Variants in PLXDC2 observed in about 807,000 individuals in gnomAD.
PLXDC2 encodes the protein plexin domain-containing protein 2.
PLXDC2 carries 40 observed loss-of-function variants against 68.9 expected under a neutral mutation model. The ratio of observed to expected loss-of-function variants is 0.58; its 90% CI spans 0.45 to 0.76. The LOEUF is 0.76. Ranked by LOEUF, PLXDC2 falls within the 30% of genes least tolerant of loss-of-function variation. The pLI is 0.00. For synonymous variants in PLXDC2, 243 were observed against 234.2 expected, an observed-to-expected ratio of 1.04 and a Z score of -0.34; for missense variants, 644 against 661.9, an observed-to-expected ratio of 0.97 and a Z score of 0.30.
At chr10:20,110,526 T>C (rs1335067584) in intron 4 of PLXDC2, among the ~76,000 whole-genome samples, 1 of 152,178 alleles carries the variant, frequency 6.6e-6, no homozygotes, top group Non-Finnish European at 1.5e-5. Flanking sequence ...TTCATTGATT[T>C]CTGTAATGCC....
intron 4 of PLXDC2, among the ~76,000 whole-genome samples, chr10:20,136,315 T>C (rs1028682580): frequency 1.5e-4 from 23 of 152,344 alleles, no homozygotes; most frequent in African/African-American, 5.5e-4. Flanking sequence ...TTTCAGATTA[T>C]CAATTGCTGC....
At chr10:19,893,900 G>A (rs1262227144) in intron 1 of PLXDC2, among the ~76,000 whole-genome samples, 1 of 152,200 alleles carries the variant, frequency 6.6e-6, no homozygotes, top group African/African-American at 2.4e-5. Flanking sequence ...ATATTCATGA[G>A]TAGAGTTTAG....
At chr10:20,181,749 G>C (rs1834607489) in intron 9 of PLXDC2, among the ~76,000 whole-genome samples, 1 of 151,996 alleles carries the variant, frequency 6.6e-6, no homozygotes, top group Admixed American at 6.6e-5. Flanking sequence ...CCAAGTGCTG[G>C]GACACAGATG....
At chr10:20,238,680 T>TATATATATATATATATATAC (rs1384911096) in intron 12 of PLXDC2, among the ~76,000 whole-genome samples, 4 of 137,252 alleles carry the variant, frequency 2.9e-5, no homozygotes, top group African/African-American at 1.1e-4. Context: ...TATATATGTA[T>TATATATATATATATATATAC]ATATATATAT....
At chr10:20,133,594 G>A (rs1385713593) in intron 4 of PLXDC2, among the ~76,000 whole-genome samples, 1 of 152,118 alleles carries the variant, frequency 6.6e-6, no homozygotes, top group African/African-American at 2.4e-5. Context: ...TCCCTTTCAT[G>A]TCATGAGTAG....
intron 1 of PLXDC2, among the ~76,000 whole-genome samples, chr10:19,911,994 G>A (rs947242088): frequency 6.6e-6 from 1 of 151,978 alleles, no homozygotes; most frequent in East Asian, 1.9e-4. Flanking sequence ...CTCTATATAG[G>A]CTCCACTCTA....
chr10:20,235,924 T>C (rs1835426443), intron 12 of PLXDC2, among the ~76,000 whole-genome samples: 1 of 152,184 alleles, frequency 6.6e-6, no homozygotes, highest in African/African-American at 2.4e-5. Context: ...TGATATTCCA[T>C]AGTCACTATG....
rs911596966 is a variant in PLXDC2 at position 20,083,302 on chromosome 10, C to T, written c.541+15063C>T. ...CATCCTGGCTAACATGGTGAAACCCCGTCTCTACTAAAAAAATACAAAAAA... is the reference window on the plus strand; with the variant it reads ...CATCCTGGCTAACATGGTGAAACCCTGTCTCTACTAAAAAAATACAAAAAA... On this transcript the variant is annotated intron_variant, in intron 4 of 13. Transcript: ENST00000377252. Among the ~76,000 whole-genome samples the T allele has an allele frequency of 4.8e-4, 73 of 151,936 alleles. 1 individual carries two copies. The highest frequency in any genetic ancestry group is 2.0e-3 in the Admixed American group (31 of 15,256).
chr10:20,183,078 A>G (rs1834629518), intron 9 of PLXDC2, among the ~76,000 whole-genome samples: 1 of 151,980 alleles, frequency 6.6e-6, no homozygotes, highest in African/African-American at 2.4e-5. Flanking sequence ...TGAGATGGGT[A>G]AGACAGCACA....
intron 2 of PLXDC2, among the ~76,000 whole-genome samples, chr10:20,041,060 T>A (rs112242451): frequency 0.018 from 2,694 of 152,294 alleles, 76 homozygotes; most frequent in African/African-American, 0.061. Context: ...CATAATTTTC[T>A]TGGAGACAGT....
At chr10:20,064,609 G>A (rs1369033941) in intron 3 of PLXDC2, among the ~76,000 whole-genome samples, 1 of 152,114 alleles carries the variant, frequency 6.6e-6, no homozygotes, top group African/African-American at 2.4e-5. Flanking sequence ...AATAAAGGAT[G>A]CATAACTAAT....
chr10:20,205,334 G>C (rs1834976819), intron 9 of PLXDC2, among the ~76,000 whole-genome samples: 2 of 152,076 alleles, frequency 1.3e-5, no homozygotes, highest in Non-Finnish European at 2.9e-5. Context: ...ATTAGATAAT[G>C]GTGAGAAGAG....
At chr10:20,153,866 A>G (rs1379321579) in intron 6 of PLXDC2, among the ~76,000 whole-genome samples, 1 of 152,202 alleles carries the variant, frequency 6.6e-6, no homozygotes, top group Non-Finnish European at 1.5e-5. Flanking sequence ...TCAATAAGTG[A>G]CTGAATCAAT....
intron 4 of PLXDC2, among the ~76,000 whole-genome samples, chr10:20,118,105 TAC>T (rs60160833): frequency 0.03 from 4,436 of 146,704 alleles, 179 homozygotes; most frequent in African/African-American, 0.095. Flanking sequence ...CATATATGCC[TAC>T]ACACACACAC....
intron 7 of PLXDC2, among the ~76,000 whole-genome samples, chr10:20,173,922 T>G (rs1834483536): frequency 6.6e-6 from 1 of 152,160 alleles, no homozygotes; most frequent in Non-Finnish European, 1.5e-5. Flanking sequence ...TAATTTGGGT[T>G]TTGTTAAATT....
chr10:20,014,382 G>GCTTCCTTCCTTCCTTCCTTC (rs539488828), intron 2 of PLXDC2, among the ~76,000 whole-genome samples: 2 of 78,982 alleles, frequency 2.5e-5, no homozygotes, highest in African/African-American at 9.6e-5. Context: ...TTCCTTCCTT[G>GCTTCCTTCCTTCCTTCCTTC]CTTCCTTCCT....
chr10:20,120,659 G>A (rs985319680), intron 4 of PLXDC2, among the ~76,000 whole-genome samples: 1 of 152,076 alleles, frequency 6.6e-6, no homozygotes, highest in Admixed American at 6.6e-5. Flanking sequence ...TCTGACTCGG[G>A]GCATATTGAG....
At chr10:20,186,530 A>T (rs2131834642) in intron 9 of PLXDC2, among the ~76,000 whole-genome samples, 1 of 151,914 alleles carries the variant, frequency 6.6e-6, no homozygotes, top group South Asian at 2.1e-4. Context: ...AAGCCTACCA[A>T]CCAATAGTTA....
In PLXDC2 at chr10:19,817,036, C is replaced by G. The variant is rs1432533726; in HGVS notation, c.-44C>G. 6.8e-7 allele frequency: 1 copy of G among 1,471,926 alleles called. No homozygotes were observed. The highest frequency in any genetic ancestry group is 2.5e-5 in the East Asian group (1 of 40,504). The allele number at this position is 1,471,926 out of a possible 1,614,324, so 91.2% of individuals were successfully genotyped here. A position where few individuals can be genotyped will look rare whatever the true frequency, so the allele number is the denominator to read the frequency against. ...TATTGCATCGGGAGCCCCCGAGCACCGGCGAAGGACTGGCGGGTGGGGTAG... is the reference window on the plus strand; with the variant it reads ...TATTGCATCGGGAGCCCCCGAGCACGGGCGAAGGACTGGCGGGTGGGGTAG... On this transcript the variant is annotated 5_prime_UTR_variant, in exon 1 of 14. Transcript: ENST00000377252.
Sources: allele counts gnomAD v4.1 joint callset (sites outside exome capture counted in the v4.1 genomes callset), GRCh38; gene constraint gnomAD v4.1.1; transcripts MANE v1.5; gene names NCBI Gene and HGNC (gene_info 2026-07-23, HGNC 2026-07-21).